Variants in ARL13B observed in about 807,000 individuals in gnomAD.
ARL13B encodes ADP-ribosylation factor-like protein 13B.
ARL13B carries 36 observed loss-of-function variants against 56.1 expected under a neutral mutation model. The ratio of observed to expected loss-of-function variants is 0.64; its 90% CI spans 0.49 to 0.85. The LOEUF is 0.85. Among genes scored for constraint, ARL13B ranks in the 40% least tolerant of loss-of-function variants. The pLI is 0.00. For missense variants in ARL13B, 519 were observed against 507.1 expected, an observed-to-expected ratio of 1.02 and a Z score of -0.23; for synonymous variants, 178 against 171.1, an observed-to-expected ratio of 1.04 and a Z score of -0.32.
intron 3 of ARL13B, among the ~76,000 whole-genome samples, chr3:94,027,348 T>G (rs985416369): frequency 6.6e-6 from 1 of 152,046 alleles, no homozygotes; most frequent in Non-Finnish European, 1.5e-5. Context: ...GTATCTGACT[T>G]TTTTTGCAAT....
At chr3:94,015,002 T>C in intron 3 of ARL13B, 1 of 1,614,064 alleles carries the variant, frequency 6.2e-7, no homozygotes, top group Non-Finnish European at 8.5e-7. Context: ...GTAGACTCTC[T>C]CTTAAGTAGA....
chr3:93,980,409 G>A lies in ARL13B; in HGVS notation c.-15G>A. On this transcript the variant is annotated 5_prime_UTR_variant, in exon 1 of 10. Transcript: ENST00000394222. ...TCCGGGCTCGGATGGGAAGTGGTGG[G>A]AGGAGCGACCCGGGATGTTCAGTCT... The A allele has an allele frequency of 6.2e-7, 1 of 1,611,790 alleles. No homozygotes were observed. Among genetic ancestry groups the A allele is most frequent in the South Asian group, 1.1e-5 (1 of 91,084 alleles).
intron 1 of ARL13B, among the ~76,000 whole-genome samples, chr3:93,985,725 C>T (rs949497538): frequency 3.9e-5 from 6 of 152,140 alleles, no homozygotes; most frequent in African/African-American, 1.4e-4. Context: ...CTTGAAACTT[C>T]CTGCCCCCTA....
intron 1 of ARL13B, among the ~76,000 whole-genome samples, chr3:93,991,296 T>G (rs1007061325): frequency 1.3e-5 from 2 of 152,236 alleles, no homozygotes; most frequent in Admixed American, 1.3e-4. Flanking sequence ...ATCTTTGATC[T>G]TTCTGTTGTC....
intron 3 of ARL13B, among the ~76,000 whole-genome samples, chr3:94,015,872 T>C (rs2107494846): frequency 6.6e-6 from 1 of 152,324 alleles, no homozygotes; most frequent in Middle Eastern, 3.4e-3. Context: ...CTGTTGCATA[T>C]ATGTGAAAAC....
intron 3 of ARL13B, among the ~76,000 whole-genome samples, chr3:94,005,815 G>A (rs1205876169): frequency 6.6e-6 from 1 of 152,114 alleles, no homozygotes; most frequent in Non-Finnish European, 1.5e-5. Flanking sequence ...CACATTCTTA[G>A]TAAATTTCAA....
In ARL13B at chr3:94,054,813, C is replaced by T. The variant is rs756480566; in HGVS notation, c.*1550C>T. On this transcript the variant is annotated 3_prime_UTR_variant, in exon 10 of 10. Coordinates refer to ENST00000394222, the MANE Select transcript of ARL13B (RefSeq NM_001174150.2). ...AGCATTTGATTTCAGATCTAAAATTCGTAACAACCTAAATTTGAGAGGTGG... is the reference window on the plus strand; with the variant it reads ...AGCATTTGATTTCAGATCTAAAATTTGTAACAACCTAAATTTGAGAGGTGG... 1.1e-5 allele frequency: 4 copies of T among 376,634 alleles called. No homozygotes were observed. The highest frequency in any genetic ancestry group is 4.1e-5 in the South Asian group (2 of 48,294). 23.3% of individuals were successfully genotyped at this position (376,634 alleles called of 1,614,324 possible).
At chr3:94,014,264 A>T in intron 3 of ARL13B, 1 of 795,484 alleles carries the variant, frequency 1.3e-6, no homozygotes, top group Non-Finnish European at 1.8e-6. Flanking sequence ...GGGGAAAATT[A>T]CAACTTAACA....
At chr3:94,036,506 G>C (rs767709289) in intron 4 of ARL13B, 46 bp from the exon 5 acceptor site, 91 of 1,576,646 alleles carry the variant, frequency 5.8e-5, no homozygotes, top group Non-Finnish European at 7.1e-5. Context: ...GAATAGATTT[G>C]TGTGGAGACC....
intron 3 of ARL13B, among the ~76,000 whole-genome samples, chr3:94,006,028 C>T (rs1451996783): frequency 1.3e-5 from 2 of 152,092 alleles, no homozygotes; most frequent in African/African-American, 4.8e-5. Flanking sequence ...GAGCCGGGCA[C>T]GGTGGCTCAC....
In ARL13B at chr3:93,995,292, T is replaced by C. The variant is rs559261080; in HGVS notation, c.60-582T>C. 7.3e-4 allele frequency among the ~76,000 whole-genome samples: 111 copies of C among 152,296 alleles called. 1 individual carries two copies. The highest frequency in any genetic ancestry group is 3.4e-3 in the Middle Eastern group (1 of 294). On this transcript the variant is annotated intron_variant, in intron 1 of 9. Coordinates refer to ENST00000394222, the MANE Select transcript of ARL13B (RefSeq NM_001174150.2). ...AGATTACTTAATTTATCTGGACTTA[T>C]GTTTCTTCAGTTTTTAAGTTGACTA... is the stretch of plus-strand genomic sequence containing the variant.
intron 3 of ARL13B, among the ~76,000 whole-genome samples, chr3:94,024,100 T>TAG (rs1326428060): frequency 6.6e-6 from 1 of 152,232 alleles, no homozygotes; most frequent in Admixed American, 6.5e-5. Context: ...TCTCTTGTAC[T>TAG]AGCTTGTCAC....
chr3:94,006,128 T>C (rs974839860), intron 3 of ARL13B, among the ~76,000 whole-genome samples: 2 of 152,076 alleles, frequency 1.3e-5, no homozygotes, highest in South Asian at 2.1e-4. Context: ...GGTGAAACTC[T>C]GTCTCTACTA....
At chr3:94,050,071 G>A (rs2077045204) in intron 8 of ARL13B, among the ~76,000 whole-genome samples, 1 of 151,056 alleles carries the variant, frequency 6.6e-6, no homozygotes, top group Non-Finnish European at 1.5e-5. Context: ...GGCTGGGGCA[G>A]GAGAATCGCT....
chr3:94,039,086 ATTC>A (rs1162140672), intron 5 of ARL13B, among the ~76,000 whole-genome samples: 2 of 152,212 alleles, frequency 1.3e-5, no homozygotes, highest in Non-Finnish European at 2.9e-5. Context: ...CTAGTCTTTT[ATTC>A]TTTTATACTA....
rs2076830880 is a variant in ARL13B at position 94,039,777 on chromosome 3, T to C, written c.690-103T>C. On this transcript the variant is annotated intron_variant, in intron 5 of 9. Transcript: ENST00000394222. ...AGTAATTCAAAACCATGTCCAGATG[T>C]TTAAATTACTACATGTAATAGCCTT... 3 of 977,966 alleles carry C rather than the reference T, an allele frequency of 3.1e-6. No homozygotes were observed. The East Asian group carries it at 7.9e-5, about 26-fold the overall frequency. 60.6% of individuals were successfully genotyped at this position (977,966 alleles called of 1,614,324 possible).
At position 94,048,761 on chromosome 3, in the gene ARL13B, GT is replaced by G. The variant is rs145976941; in HGVS notation, c.1025-635del. ...CACATGAAAACAAAGCCATGCTGGG[GT>G]TTTTTTTTTCCCCCATAGAGATGAG... On this transcript the variant is annotated intron_variant, in intron 7 of 9. Transcript: ENST00000394222. Among the ~76,000 whole-genome samples the G allele has an allele frequency of 4.0e-3, 596 of 148,542 alleles. 3 individuals are homozygous for G. The highest frequency in any genetic ancestry group is 0.012 in the African/African-American group (468 of 40,602).
At chr3:94,042,428 C>A (rs2076879439) in intron 6 of ARL13B, among the ~76,000 whole-genome samples, 1 of 152,056 alleles carries the variant, frequency 6.6e-6, no homozygotes. Context: ...ATACTTTGTT[C>A]ATTGATACAG....
At chr3:94,001,938 A>T (rs1454994454) in intron 2 of ARL13B, among the ~76,000 whole-genome samples, 1 of 152,140 alleles carries the variant, frequency 6.6e-6, no homozygotes, top group Non-Finnish European at 1.5e-5. Context: ...GTCTAACTTT[A>T]CCTTTTTCTT....
Sources: allele counts gnomAD v4.1 joint callset (sites outside exome capture counted in the v4.1 genomes callset), GRCh38; gene constraint gnomAD v4.1.1; transcripts MANE v1.5; gene names NCBI Gene and HGNC (gene_info 2026-07-23, HGNC 2026-07-21).